Variants in CTNNA2 observed in about 807,000 individuals in gnomAD.
The protein encoded by CTNNA2 is catenin alpha 2.
A neutral mutation model predicts 101.0 loss-of-function variants in CTNNA2; 42 were observed. The observed-to-expected ratio is 0.42, with a 90% confidence interval of 0.32 to 0.54. The LOEUF is 0.54. Ranked by LOEUF, CTNNA2 falls within the 20% of genes least tolerant of loss-of-function variation. The probability of loss-of-function intolerance (pLI) is 0.14; values close to 1 mark genes in which losing one functional copy is unlikely to be tolerated. For synonymous variants in CTNNA2, 450 were observed against 456.4 expected, an observed-to-expected ratio of 0.99 and a Z score of 0.18; for missense variants, 871 against 1,223.1, an observed-to-expected ratio of 0.71 and a Z score of 4.29.
chr2:79,823,420 A>C (rs879857813), intron 3 of CTNNA2, among the ~76,000 whole-genome samples: 3 of 152,104 alleles, frequency 2.0e-5, no homozygotes, highest in Admixed American at 1.3e-4. Flanking sequence ...TGGGTGACTG[A>C]GGTGGGAGAA....
chr2:79,562,352 TAAC>T (rs1243298734), intron 1 of CTNNA2, among the ~76,000 whole-genome samples: 1 of 152,070 alleles, frequency 6.6e-6, no homozygotes, highest in Non-Finnish European at 1.5e-5. Flanking sequence ...CTTTTATTCT[TAAC>T]TACTATAACA....
At chr2:79,942,819 T>G (rs1433201830) in intron 7 of CTNNA2, among the ~76,000 whole-genome samples, 1 of 152,092 alleles carries the variant, frequency 6.6e-6, no homozygotes, top group African/African-American at 2.4e-5. Flanking sequence ...GAAAATTATA[T>G]GAGATGAAAT....
chr2:80,196,871 A>C (rs1384234557), intron 7 of CTNNA2, among the ~76,000 whole-genome samples: 2 of 152,216 alleles, frequency 1.3e-5, no homozygotes. Context: ...TGCATTAAAC[A>C]GTTCTTTAAT....
intron 7 of CTNNA2, among the ~76,000 whole-genome samples, chr2:80,158,149 T>C (rs1336375584): frequency 6.6e-6 from 1 of 152,100 alleles, no homozygotes; most frequent in Non-Finnish European, 1.5e-5. Flanking sequence ...TTCCACCCGA[T>C]TAATTATGAA....
intron 2 of CTNNA2, among the ~76,000 whole-genome samples, chr2:79,665,164 C>G (rs564141546): frequency 6.6e-6 from 1 of 152,178 alleles, no homozygotes; most frequent in East Asian, 1.9e-4. Flanking sequence ...AAATTTTCTC[C>G]TATTTCATTT....
chr2:80,187,682 A>G (rs1416592501), intron 7 of CTNNA2, among the ~76,000 whole-genome samples: 1 of 152,214 alleles, frequency 6.6e-6, no homozygotes, highest in African/African-American at 2.4e-5. Context: ...GGAACCAGCA[A>G]CATCCGTAGA....
At chr2:80,468,823 A>T (rs1054911083) in intron 9 of CTNNA2, among the ~76,000 whole-genome samples, 1 of 152,238 alleles carries the variant, frequency 6.6e-6, no homozygotes, top group African/African-American at 2.4e-5. Flanking sequence ...CTCACTAGTA[A>T]GTGATCAGTT....
intron 12 of CTNNA2, among the ~76,000 whole-genome samples, chr2:80,566,983 C>T (rs978935841): frequency 5.3e-5 from 8 of 152,212 alleles, no homozygotes; most frequent in African/African-American, 9.6e-5. Flanking sequence ...GAACAGTGTA[C>T]GAACCCTTAG....
intron 4 of CTNNA2, among the ~76,000 whole-genome samples, chr2:79,458,103 C>T (rs943274466): frequency 5.9e-5 from 9 of 152,158 alleles, no homozygotes; most frequent in Admixed American, 2.6e-4. Context: ...TTAAGCATCT[C>T]AGGAGGAATT....
intron 1 of CTNNA2, among the ~76,000 whole-genome samples, chr2:79,644,391 T>A (rs1558797810): frequency 6.6e-6 from 1 of 152,182 alleles, no homozygotes. Context: ...ACCCAGATAA[T>A]TCGGGATAAT....
chr2:80,574,741 A>C (rs1006647621), intron 13 of CTNNA2, among the ~76,000 whole-genome samples: 1 of 152,216 alleles, frequency 6.6e-6, no homozygotes, highest in African/African-American at 2.4e-5. Flanking sequence ...AGTGATACAT[A>C]ATTACATTCT....
intron 9 of CTNNA2, among the ~76,000 whole-genome samples, chr2:80,432,343 GA>G (rs939550202): frequency 1.3e-5 from 2 of 152,082 alleles, no homozygotes; most frequent in Non-Finnish European, 2.9e-5. Context: ...ATCTTTTGGG[GA>G]AAAAATTGAT....
chr2:80,530,186 T>A (rs1156922585), intron 9 of CTNNA2, among the ~76,000 whole-genome samples: 4 of 152,148 alleles, frequency 2.6e-5, no homozygotes, highest in Non-Finnish European at 5.9e-5. Context: ...CAGAGCCCTT[T>A]CTGAGAGGGC....
chr2:79,816,723 C>A (rs1265183270), intron 3 of CTNNA2, among the ~76,000 whole-genome samples: 1 of 152,178 alleles, frequency 6.6e-6, no homozygotes, highest in Non-Finnish European at 1.5e-5. Context: ...TGTTAACATT[C>A]TTGGCCTTTC....
chr2:80,120,258 A>C (rs1701758025), intron 7 of CTNNA2, among the ~76,000 whole-genome samples: 1 of 152,164 alleles, frequency 6.6e-6, no homozygotes, highest in African/African-American at 2.4e-5. Context: ...ATCTGCACAT[A>C]ATTTCCAGTG....
At chr2:79,770,295 A>G (rs1190104399) in intron 3 of CTNNA2, among the ~76,000 whole-genome samples, 2 of 152,208 alleles carry the variant, frequency 1.3e-5, no homozygotes, top group African/African-American at 2.4e-5. Flanking sequence ...AGTGCCTAAC[A>G]TTGTGCTATG....
chr2:79,198,788 A>T (rs978685147), intron 2 of CTNNA2, among the ~76,000 whole-genome samples: 3 of 152,240 alleles, frequency 2.0e-5, no homozygotes, highest in African/African-American at 7.2e-5. Context: ...TATTCATTTT[A>T]TAAATTTATA....
At chr2:79,974,652 G>C (rs1181212824) in intron 7 of CTNNA2, among the ~76,000 whole-genome samples, 1 of 152,102 alleles carries the variant, frequency 6.6e-6, no homozygotes, top group Non-Finnish European at 1.5e-5. Flanking sequence ...TTTTAGAGCA[G>C]ATATAGGTTG....
At chr2:80,515,520 T>C (rs536664593) in intron 9 of CTNNA2, among the ~76,000 whole-genome samples, 19 of 152,342 alleles carry the variant, frequency 1.2e-4, no homozygotes, top group African/African-American at 4.1e-4. Flanking sequence ...AAAGATATTA[T>C]TGCCTCTTTA....
Sources: gnomAD v4.1 joint callset for allele counts (sites outside exome capture counted in the v4.1 genomes callset) on GRCh38, gnomAD v4.1.1 for gene constraint, MANE v1.5 for transcripts, NCBI Gene and HGNC (gene_info 2026-07-23, HGNC 2026-07-21) for gene names.